The following DCLK1 variants were observed in gnomAD, a reference collection of about 807,000 sequenced individuals.
DCLK1 encodes the protein doublecortin like kinase 1, also known as serine/threonine-protein kinase DCLK1.
A neutral mutation model predicts 86.2 loss-of-function variants in DCLK1; 16 were observed. The ratio of observed to expected loss-of-function variants is 0.19; its 90% CI spans 0.13 to 0.28. The LOEUF (loss-of-function observed/expected upper bound fraction) is 0.28, where lower values mean the gene tolerates loss of function less well. Among genes scored for constraint, DCLK1 ranks in the 10% least tolerant of loss-of-function variants. The pLI, the probability that DCLK1 is intolerant of heterozygous loss-of-function variation, is 1.00. For synonymous variants in DCLK1, 369 were observed against 370.5 expected (o/e 1.00, Z 0.05); for missense variants, 590 against 940.2 (o/e 0.63, Z 4.87).
intron 4 of DCLK1, among the ~76,000 whole-genome samples, chr13:35,926,413 G>C (rs1419259412): frequency 6.6e-6 from 1 of 152,168 alleles, no homozygotes; most frequent in Non-Finnish European, 1.5e-5. Context: ...ACTCAACAGT[G>C]CGCCACATGC....
rs1169214015 is a variant in DCLK1 at position 36,112,254 on chromosome 13, T to C, written c.377-39A>G. The C allele has an allele frequency of 1.4e-5, 20 of 1,421,370 alleles. 1 individual carries two copies. The East Asian group carries it at 4.7e-4, about 33-fold the overall frequency. 88.0% of individuals were successfully genotyped at this position (1,421,370 alleles called of 1,614,324 possible). A position where few individuals can be genotyped will look rare whatever the true frequency, so the allele number is the denominator to read the frequency against. ...AAATATATTTAAATTTATACTAAAA[T>C]ATGCCCATTTCTTTTTTCCTACTTA... On this transcript the variant is annotated intron_variant, in intron 2 of 16. Transcript: ENST00000360631.
At chr13:36,083,695 T>G (rs1490555909) in intron 3 of DCLK1, among the ~76,000 whole-genome samples, 1 of 152,206 alleles carries the variant, frequency 6.6e-6, no homozygotes, top group East Asian at 1.9e-4. Context: ...TTCCTTGAGT[T>G]TTCCCATTCA....
intron 3 of DCLK1, among the ~76,000 whole-genome samples, chr13:36,058,890 C>A (rs1883432868): frequency 6.6e-6 from 1 of 152,136 alleles, no homozygotes; most frequent in Non-Finnish European, 1.5e-5. Flanking sequence ...CATCCAATAT[C>A]CCTTATTTTT....
At chr13:35,780,169 C>G (rs76154363) in intron 16 of DCLK1, among the ~76,000 whole-genome samples, 3 of 152,006 alleles carry the variant, frequency 2.0e-5, no homozygotes, top group Admixed American at 2.0e-4. Context: ...TTATCAATCA[C>G]AAAAAAATCC....
intron 3 of DCLK1, among the ~76,000 whole-genome samples, chr13:35,958,047 A>ACCACCAC (rs1366144003): frequency 2.0e-4 from 7 of 35,468 alleles, no homozygotes; most frequent in African/African-American, 1.4e-3. Context: ...CACCACCACC[A>ACCACCAC]TCACCACTAT....
At chr13:35,954,101 C>T (rs1476189510) in intron 3 of DCLK1, among the ~76,000 whole-genome samples, 1 of 152,058 alleles carries the variant, frequency 6.6e-6, no homozygotes, top group Non-Finnish European at 1.5e-5. Context: ...TAAAATACTT[C>T]ATTTGTAATT....
At chr13:36,130,158 T>C (rs1367313666) in intron 1 of DCLK1, among the ~76,000 whole-genome samples, 3 of 152,124 alleles carry the variant, frequency 2.0e-5, no homozygotes, top group Non-Finnish European at 4.4e-5. Flanking sequence ...TTCCTCTATA[T>C]GACCTCTCTT....
chr13:35,874,624 A>G (rs996828302), intron 4 of DCLK1, among the ~76,000 whole-genome samples: 1 of 152,292 alleles, frequency 6.6e-6, no homozygotes, highest in South Asian at 2.1e-4. Flanking sequence ...TAAAAAAAAG[A>G]AAAAAATCTA....
At chr13:35,916,651 T>C (rs1250017304) in intron 4 of DCLK1, among the ~76,000 whole-genome samples, 1 of 152,190 alleles carries the variant, frequency 6.6e-6, no homozygotes, top group South Asian at 2.1e-4. Context: ...TCTCTGTAGA[T>C]ACCCTTTCCT....
chr13:35,869,126 G>A (rs1170198995), intron 5 of DCLK1: 5 of 511,876 alleles, frequency 9.8e-6, no homozygotes, highest in Admixed American at 5.9e-5. Context: ...AGTGAGAAAT[G>A]TTTTTTAGTT....
intron 3 of DCLK1, among the ~76,000 whole-genome samples, chr13:35,975,985 G>A (rs965555571): frequency 1.3e-5 from 2 of 152,202 alleles, no homozygotes; most frequent in Non-Finnish European, 1.5e-5. Context: ...CTCAATGGCA[G>A]TGGCCTCTGT....
intron 3 of DCLK1, among the ~76,000 whole-genome samples, chr13:35,995,351 G>A (rs55730010): frequency 0.36 from 54,942 of 151,950 alleles, 11,071 homozygotes; most frequent in Non-Finnish European, 0.44. Flanking sequence ...AATTCTATCC[G>A]TTTTCAATAT....
intron 11 of DCLK1, among the ~76,000 whole-genome samples, chr13:35,818,641 A>C (rs2087323206): frequency 6.6e-6 from 1 of 152,126 alleles, no homozygotes; most frequent in African/African-American, 2.4e-5. Flanking sequence ...GTAAAGATTT[A>C]CTTTTCATAA....
chr13:36,042,963 T>C (rs1882746505), intron 3 of DCLK1, among the ~76,000 whole-genome samples: 1 of 152,208 alleles, frequency 6.6e-6, no homozygotes, highest in Admixed American at 6.5e-5. Flanking sequence ...ATATATTTGT[T>C]CACTCAAATT....
chr13:36,023,946 A>G (rs1593826812), intron 3 of DCLK1, among the ~76,000 whole-genome samples: 1 of 123,692 alleles, frequency 8.1e-6, no homozygotes, highest in South Asian at 2.5e-4. Context: ...CCCGGGCTGG[A>G]GTACAGTGGT....
At chr13:35,971,565 C>T (rs1348424655) in intron 3 of DCLK1, among the ~76,000 whole-genome samples, 2 of 152,130 alleles carry the variant, frequency 1.3e-5, no homozygotes, top group African/African-American at 4.8e-5. Flanking sequence ...GAGTTCGAGA[C>T]CAGCCTGGCC....
chr13:36,045,292 A>T (rs1457651367), intron 3 of DCLK1, among the ~76,000 whole-genome samples: 1 of 132,054 alleles, frequency 7.6e-6, no homozygotes, highest in South Asian at 2.4e-4. Flanking sequence ...ATATATAATA[A>T]TCGTCTAATA....
At chr13:35,992,421 T>C (rs2153144039) in intron 3 of DCLK1, among the ~76,000 whole-genome samples, 1 of 151,230 alleles carries the variant, frequency 6.6e-6, no homozygotes, top group South Asian at 2.1e-4. Context: ...CTTACTTTGT[T>C]TGCTTCCTTC....
intron 2 of DCLK1, among the ~76,000 whole-genome samples, chr13:36,120,869 T>C (rs1251731305): frequency 6.6e-6 from 1 of 152,186 alleles, no homozygotes; most frequent in Admixed American, 6.5e-5. Flanking sequence ...TCAAAACATC[T>C]TGTTGAGGAT....
Sources: gnomAD v4.1 joint callset for allele counts (sites outside exome capture counted in the v4.1 genomes callset) on GRCh38, gnomAD v4.1.1 for gene constraint, MANE v1.5 for transcripts, NCBI Gene and HGNC (gene_info 2026-07-23, HGNC 2026-07-21) for gene names.